CC2D2A: variants seen among roughly 807,000 people sequenced by gnomAD.
CC2D2A encodes coiled-coil and C2 domain-containing protein 2A.
CC2D2A carries 155 observed loss-of-function variants against 212.9 expected under a neutral mutation model. That is an observed-to-expected ratio of 0.73 (90% CI 0.64 to 0.83). The LOEUF is 0.83. Among genes scored for constraint, CC2D2A ranks in the 40% least tolerant of loss-of-function variants. The pLI, the probability that CC2D2A is intolerant of heterozygous loss-of-function variation, is 0.00. For synonymous variants in CC2D2A, 667 were observed against 686.5 expected, an observed-to-expected ratio of 0.97 and a Z score of 0.44; for missense variants, 1,856 against 1,956.2, an observed-to-expected ratio of 0.95 and a Z score of 0.97.
At chr4:15,504,158 T>C (rs1383982471) in intron 6 of CC2D2A, among the ~76,000 whole-genome samples, 1 of 152,230 alleles carries the variant, frequency 6.6e-6, no homozygotes, top group Non-Finnish European at 1.5e-5. Flanking sequence ...TGTTATAAAA[T>C]GTTACCTATA....
intron 17 of CC2D2A, among the ~76,000 whole-genome samples, chr4:15,548,979 T>C (rs1391412526): frequency 6.6e-6 from 1 of 152,216 alleles, no homozygotes; most frequent in Non-Finnish European, 1.5e-5. Flanking sequence ...TGAAACTTAC[T>C]AATAGTTGAG....
intron 25 of CC2D2A, 43 bp from the exon 26 acceptor site, chr4:15,567,634 T>C (rs202020049): frequency 2.8e-6 from 4 of 1,447,862 alleles, no homozygotes; most frequent in East Asian, 4.7e-5. Flanking sequence ...ATAAAATAAT[T>C]TGACTAACCA....
intron 6 of CC2D2A, among the ~76,000 whole-genome samples, chr4:15,509,277 C>CTTT (rs34725428): frequency 9.6e-5 from 14 of 145,282 alleles, no homozygotes; most frequent in Non-Finnish European, 1.5e-4. Context: ...TGAGATAACA[C>CTTT]TTTTTTTTTT....
chr4:15,490,537 A>G (rs1037181397), intron 4 of CC2D2A, among the ~76,000 whole-genome samples: 1 of 152,064 alleles, frequency 6.6e-6, no homozygotes, highest in Non-Finnish European at 1.5e-5. Context: ...TACTTTGTTT[A>G]TTTATTCACC....
rs182365674 is a variant in CC2D2A, at chr4:15,553,802, G to A, written c.2486+497G>A. 2.1e-4 allele frequency among the ~76,000 whole-genome samples: 32 copies of A among 152,318 alleles called. 1 individual carries two copies. The highest frequency in any genetic ancestry group is 1.6e-3 in the Admixed American group (25 of 15,294). ...TCACCCTAGGCCAGCCCCTCCCTGT[G>A]TTTGATGGTTGTCCCTGAAGCTTAG... On this transcript the variant is annotated intron_variant, in intron 19 of 36. Transcript: ENST00000424120.
chr4:15,557,599 GT>G (rs758878703), intron 21 of CC2D2A, 92 bp downstream of exon 21: 8 of 745,186 alleles, frequency 1.1e-5, no homozygotes, highest in African/African-American at 1.8e-5. Flanking sequence ...TTTTTGTTAT[GT>G]TGTCACTAGC....
chr4:15,479,528 G>A (rs1577310407), intron 3 of CC2D2A, among the ~76,000 whole-genome samples: 1 of 152,092 alleles, frequency 6.6e-6, no homozygotes, highest in African/African-American at 2.4e-5. Flanking sequence ...AGACAGAAGA[G>A]ACCTCCCTCC....
chr4:15,474,998 G>A (rs113389077), intron 1 of CC2D2A, among the ~76,000 whole-genome samples: 8 of 152,216 alleles, frequency 5.3e-5, no homozygotes, highest in African/African-American at 1.7e-4. Context: ...TTTTTTGGCC[G>A]GGCACGGTGG....
chr4:15,521,987 C>T (rs1717228298), intron 11 of CC2D2A, among the ~76,000 whole-genome samples: 1 of 152,070 alleles, frequency 6.6e-6, no homozygotes, highest in African/African-American at 2.4e-5. Context: ...TTGCTTGAGG[C>T]CATGAATTTG....
At chr4:15,478,663 C>T (rs1714401580) in intron 2 of CC2D2A, 60 bp from the exon 3 acceptor site, 3 of 1,317,664 alleles carry the variant, frequency 2.3e-6, no homozygotes, top group Non-Finnish European at 3.2e-6. Flanking sequence ...AATTTTAATA[C>T]CTAAAAGTCA....
chr4:15,510,296 C>A, intron 7 of CC2D2A, 56 bp downstream of exon 7: 2 of 1,468,582 alleles, frequency 1.4e-6, no homozygotes, highest in Middle Eastern at 1.7e-4. Flanking sequence ...TACAAATATC[C>A]AATGACACAT....
At position 15,540,841 on chromosome 4, in the gene CC2D2A, G is replaced by T; in HGVS notation, c.2008G>T (p.Glu670Ter). 6.3e-7 allele frequency: 1 copy of T among 1,597,226 alleles called. No individual in the cohort carries two copies. ...VTPNDQCPRA[E>*]VSRREDVKKR... is the part of the protein sequence containing the mutation. ...GTGAATGGTCTCCTTTTGCAGAGCG[G>T]AGGTCTCGAGAAGGGAGGATGTAAA... Residue 670 changes from glutamate to a stop codon, truncating the protein, a stop_gained, in exon 17 of 37, where the codon GAG becomes TAG. Transcript: ENST00000424120. LOFTEE classifies it high-confidence loss of function.
At chr4:15,553,980 C>T (rs944828011) in intron 19 of CC2D2A, among the ~76,000 whole-genome samples, 1 of 152,214 alleles carries the variant, frequency 6.6e-6, no homozygotes, top group Non-Finnish European at 1.5e-5. Flanking sequence ...GAAGAAGACA[C>T]TTTCCAAGTC....
chr4:15,569,404 T>C lies in CC2D2A; in HGVS notation c.3495+15T>C, dbSNP rs1158108031. ...ATGTCTTAGAGGTAAGTTCTCAGTTTTAAGAAAGACACTTGTATTCACTTT... is the reference window on the plus strand; with the variant it reads ...ATGTCTTAGAGGTAAGTTCTCAGTTCTAAGAAAGACACTTGTATTCACTTT... On this transcript the variant is annotated intron_variant, in intron 27 of 36. Coordinates refer to ENST00000424120, the MANE Select transcript of CC2D2A (RefSeq NM_001378615.1). 22 of 1,436,796 alleles carry C rather than the reference T, an allele frequency of 1.5e-5. No homozygotes were observed. The highest frequency in any genetic ancestry group is 2.1e-5 in the Non-Finnish European group (22 of 1,039,136). The allele number at this position is 1,436,796 out of a possible 1,614,324, so 89.0% of individuals were successfully genotyped here. A position where few individuals can be genotyped will look rare whatever the true frequency, so the allele number is the denominator to read the frequency against.
At chr4:15,567,933 T>G (rs1719969959) in intron 26 of CC2D2A, 147 bp downstream of exon 26, 1 of 594,476 alleles carries the variant, frequency 1.7e-6, no homozygotes, top group East Asian at 3.3e-5. Context: ...GTCCCATGCT[T>G]TTCCTCTTGT....
intron 4 of CC2D2A, among the ~76,000 whole-genome samples, chr4:15,499,763 T>C (rs1303827314): frequency 2.6e-5 from 4 of 151,968 alleles, no homozygotes; most frequent in African/African-American, 9.7e-5. Flanking sequence ...TGGAGGGGGT[T>C]GGTGACAGGG....
intron 1 of CC2D2A, among the ~76,000 whole-genome samples, chr4:15,472,909 C>T (rs1713933863): frequency 6.6e-6 from 1 of 152,136 alleles, no homozygotes; most frequent in South Asian, 2.1e-4. Context: ...AAACCTTGAT[C>T]TCAGATGAGC....
chr4:15,568,352 C>T (rs2109071383), intron 26 of CC2D2A, among the ~76,000 whole-genome samples: 1 of 152,314 alleles, frequency 6.6e-6, no homozygotes, highest in African/African-American at 2.4e-5. Context: ...AAATTAGAGA[C>T]AGAGCAAGGA....
chr4:15,541,897 G>A (rs1463254173), intron 17 of CC2D2A, among the ~76,000 whole-genome samples: 1 of 152,084 alleles, frequency 6.6e-6, no homozygotes, highest in Non-Finnish European at 1.5e-5. Flanking sequence ...CAGTTCTGGA[G>A]GCCTAAAGTC....
Sources: allele counts gnomAD v4.1 joint callset (sites outside exome capture counted in the v4.1 genomes callset), GRCh38; gene constraint gnomAD v4.1.1; transcripts MANE v1.5; gene names NCBI Gene and HGNC (gene_info 2026-07-23, HGNC 2026-07-21).